Variants in SUMF1 observed in about 807,000 individuals in gnomAD.
SUMF1 encodes formylglycine-generating enzyme.
SUMF1 carries 48 observed loss-of-function variants against 47.6 expected under a neutral mutation model. That is an observed-to-expected ratio of 1.01 (90% CI 0.80 to 1.28). The LOEUF is 1.28. Ranked by LOEUF, SUMF1 falls within the 50% of genes most tolerant of loss-of-function variation. The pLI, the probability that SUMF1 is intolerant of heterozygous loss-of-function variation, is 0.00. For synonymous variants in SUMF1, 230 were observed against 192.1 expected, an observed-to-expected ratio of 1.20 and a Z score of -1.63; for missense variants, 571 against 485.4, an observed-to-expected ratio of 1.18 and a Z score of -1.66.
chr3:4,412,444 C>A (rs887215543), intron 6 of SUMF1, among the ~76,000 whole-genome samples: 6 of 151,962 alleles, frequency 3.9e-5, no homozygotes, highest in Admixed American at 3.3e-4. Flanking sequence ...AACGAAGAGG[C>A]CACAGGCATA....
At chr3:4,346,863 C>T (rs1405948440) in intron 8 of SUMF1, among the ~76,000 whole-genome samples, 1 of 152,156 alleles carries the variant, frequency 6.6e-6, no homozygotes, top group Non-Finnish European at 1.5e-5. Context: ...CACCACTGAT[C>T]CCTCAGAATT....
intron 7 of SUMF1, among the ~76,000 whole-genome samples, chr3:4,400,345 T>A (rs1701170537): frequency 6.6e-6 from 1 of 152,166 alleles, no homozygotes; most frequent in Non-Finnish European, 1.5e-5. Flanking sequence ...CGGGCTTTGG[T>A]TCTGGCTTCC....
chr3:4,243,948 T>G (rs1696602609), intron 8 of SUMF1, among the ~76,000 whole-genome samples: 1 of 152,186 alleles, frequency 6.6e-6, no homozygotes, highest in African/African-American at 2.4e-5. Flanking sequence ...GCTCCTGTAT[T>G]GGGTGCATAT....
At chr3:4,346,273 T>C (rs1171555511) in intron 8 of SUMF1, among the ~76,000 whole-genome samples, 1 of 152,098 alleles carries the variant, frequency 6.6e-6, no homozygotes, top group Non-Finnish European at 1.5e-5. Context: ...GCCACATAAT[T>C]GGAAGTAAAA....
Position 4,047,857 on chromosome 3 carries a change from A to G in SUMF1, c.1191+20712T>C, listed in dbSNP as rs564567207. 1.8e-4 allele frequency among the ~76,000 whole-genome samples: 28 copies of G among 152,248 alleles called. No individual in the cohort carries two copies. The East Asian group carries it at 3.5e-3, about 19-fold the overall frequency. ...TTATAAGAGTAAATATTGGTTGCCA[A>G]TTATATGGAGCATCTCCTCAGTTAC... On this transcript the variant is annotated intron_variant and NMD_transcript_variant, in intron 9 of 12. Transcript: ENST00000448413.
At chr3:4,451,057 T>G (rs1369897010) in intron 2 of SUMF1, among the ~76,000 whole-genome samples, 2 of 151,748 alleles carry the variant, frequency 1.3e-5, no homozygotes, top group Non-Finnish European at 2.9e-5. Flanking sequence ...CTTCTCAGAA[T>G]AAAATGTTTA....
intron 8 of SUMF1, among the ~76,000 whole-genome samples, chr3:4,342,531 T>A (rs1307864034): frequency 6.6e-6 from 1 of 152,166 alleles, no homozygotes; most frequent in Admixed American, 6.5e-5. Flanking sequence ...AGACTCTGTC[T>A]CAAAAAATAT....
chr3:4,048,695 C>T (rs961605263), intron 9 of SUMF1, among the ~76,000 whole-genome samples: 5 of 152,158 alleles, frequency 3.3e-5, no homozygotes, highest in African/African-American at 1.2e-4. Context: ...ACAAAATCCC[C>T]AACACTTGAC....
At chr3:4,363,687 C>G (rs13068834) in intron 8 of SUMF1, among the ~76,000 whole-genome samples, 1 of 142,916 alleles carries the variant, frequency 7.0e-6, no homozygotes, top group Admixed American at 7.3e-5. Context: ...AATTTGACTT[C>G]CTCTTTTCCT....
At chr3:4,220,575 C>T (rs1696039522) in intron 8 of SUMF1, among the ~76,000 whole-genome samples, 1 of 151,974 alleles carries the variant, frequency 6.6e-6, no homozygotes, top group Non-Finnish European at 1.5e-5. Context: ...TCCCTCCTTC[C>T]CTCCCTTAAA....
At chr3:4,137,606 G>A (rs1175282881) in intron 8 of SUMF1, among the ~76,000 whole-genome samples, 1 of 152,008 alleles carries the variant, frequency 6.6e-6, no homozygotes, top group Non-Finnish European at 1.5e-5. Flanking sequence ...ATGTACCCTA[G>A]AACTTAAAGT....
At chr3:4,246,682 G>C (rs1032639566) in intron 8 of SUMF1, among the ~76,000 whole-genome samples, 4 of 152,116 alleles carry the variant, frequency 2.6e-5, no homozygotes, top group Non-Finnish European at 4.4e-5. Flanking sequence ...TTACAGGCGT[G>C]AGCTACCGCA....
chr3:4,125,622 G>A (rs1032038393), intron 8 of SUMF1, among the ~76,000 whole-genome samples: 2 of 152,110 alleles, frequency 1.3e-5, no homozygotes, highest in Non-Finnish European at 2.9e-5. Context: ...ACAGACATCT[G>A]TAACTCTGTC....
rs1007926694 is a variant in SUMF1, at chr3:4,362,302, G to C, written c.1015-48C>G. 5.2e-6 allele frequency: 8 copies of C among 1,530,254 alleles called. No homozygotes were observed. In the Admixed American group the frequency reaches 1.2e-4, roughly 22 times the overall value. The allele number at this position is 1,530,254 out of a possible 1,614,324, so 94.8% of individuals were successfully genotyped here. A position where few individuals can be genotyped will look rare whatever the true frequency, so the allele number is the denominator to read the frequency against. ...GTAAGTGCTACTGGGACTCTCAGCT[G>C]AAGGCTCTAACCCATCAGATGCATA... On this transcript the variant is annotated intron_variant, in intron 8 of 8. Coordinates refer to ENST00000272902, the MANE Select transcript of SUMF1 (RefSeq NM_182760.4).
intron 8 of SUMF1, among the ~76,000 whole-genome samples, chr3:4,187,911 T>C (rs768127169): frequency 6.6e-5 from 10 of 152,200 alleles, no homozygotes; most frequent in African/African-American, 1.4e-4. Flanking sequence ...TTCATTGTGA[T>C]AGCCCAATGT....
intron 3 of SUMF1, among the ~76,000 whole-genome samples, chr3:4,438,404 A>C (rs1038785114): frequency 6.6e-6 from 1 of 152,234 alleles, no homozygotes; most frequent in South Asian, 2.1e-4. Context: ...AGCTGCACCA[A>C]GAATCCTGCT....
chr3:4,442,752 T>C (rs1041018257), intron 3 of SUMF1, among the ~76,000 whole-genome samples: 6 of 151,064 alleles, frequency 4.0e-5, no homozygotes, highest in African/African-American at 1.5e-4. Context: ...TGAGAACAAC[T>C]AAGAGGGAGT....
intron 8 of SUMF1, among the ~76,000 whole-genome samples, chr3:4,273,760 AG>A (rs376646083): frequency 0.013 from 236 of 17,558 alleles, 1 homozygote; most frequent in East Asian, 0.031. Context: ...AGGATACGGG[AG>A]GGGAGGATAC....
intron 8 of SUMF1, among the ~76,000 whole-genome samples, chr3:4,350,620 AT>A (rs1168181128): frequency 6.6e-6 from 1 of 152,098 alleles, no homozygotes; most frequent in Non-Finnish European, 1.5e-5. Context: ...AAAATAATAA[AT>A]TTTCAAAGAA....
Sources: gnomAD v4.1 joint callset for allele counts (sites outside exome capture counted in the v4.1 genomes callset) on GRCh38, gnomAD v4.1.1 for gene constraint, MANE v1.5 for transcripts, NCBI Gene and HGNC (gene_info 2026-07-23, HGNC 2026-07-21) for gene names.